SPATA3: variants seen among roughly 807,000 people sequenced by gnomAD.
SPATA3 encodes spermatogenesis associated 3, also known as spermatogenesis-associated protein 3.
Under a neutral mutation model 5.7 loss-of-function variants are expected in SPATA3, and 6 were observed. The observed-to-expected ratio is 1.06, with a 90% CI of 0.58 to 2.09. The LOEUF is 2.09. SPATA3 is among the 30% of genes most tolerant of loss of function. The pLI, the probability that SPATA3 is intolerant of heterozygous loss-of-function variation, is 0.00. For missense variants in SPATA3, 155 were observed against 130.4 expected, an observed-to-expected ratio of 1.19 and a Z score of -0.92; for synonymous variants, 44 against 48.4, an observed-to-expected ratio of 0.91 and a Z score of 0.37.
downstream of SPATA3, among the ~76,000 whole-genome samples, chr2:231,005,532 T>C (rs201538040): frequency 0.092 from 2,136 of 23,146 alleles, 231 homozygotes; most frequent in East Asian, 0.19. Flanking sequence ...ACCACCACCA[T>C]CATCACCACC....
At chr2:231,017,535 G>A (rs1692963580) in intron 6 of SPATA3, among the ~76,000 whole-genome samples, 2 of 152,248 alleles carry the variant, frequency 1.3e-5, no homozygotes, top group Admixed American at 1.3e-4. Context: ...TGTGTTGACT[G>A]GCTGAGGCCA....
At chr2:231,006,105 G>A (rs1692615254), downstream of SPATA3, among the ~76,000 whole-genome samples, 1 of 150,868 alleles carries the variant, frequency 6.6e-6, no homozygotes, top group African/African-American at 2.4e-5. Flanking sequence ...TGAGGTGGAA[G>A]GATTGCATGA....
downstream of SPATA3, among the ~76,000 whole-genome samples, chr2:231,005,446 C>A (rs1214964337): frequency 4.9e-4 from 54 of 109,788 alleles, 1 homozygote; most frequent in Non-Finnish European, 7.9e-5. Flanking sequence ...CAATCACCAC[C>A]ATCACCACCA....
At chr2:231,011,724 G>T (rs1692793419), downstream of SPATA3, among the ~76,000 whole-genome samples, 1 of 152,064 alleles carries the variant, frequency 6.6e-6, no homozygotes, top group Admixed American at 6.6e-5. Context: ...GAGACTCAGG[G>T]GACACCTGCC....
downstream of SPATA3, among the ~76,000 whole-genome samples, chr2:231,011,924 A>G (rs747222671): frequency 6.6e-5 from 10 of 152,230 alleles, no homozygotes; most frequent in African/African-American, 1.7e-4. Context: ...AGCACAGCAT[A>G]TACTTATTAC....
At chr2:231,015,255 G>T (rs1004198849) in intron 6 of SPATA3, among the ~76,000 whole-genome samples, 2 of 103,952 alleles carry the variant, frequency 1.9e-5, no homozygotes, top group Admixed American at 2.1e-4. Context: ...CTATCGTTTT[G>T]GCTTTTTTTT....
At chr2:231,013,407 A>G (rs1200335701) in intron 5 of SPATA3, among the ~76,000 whole-genome samples, 1 of 152,188 alleles carries the variant, frequency 6.6e-6, no homozygotes, top group Non-Finnish European at 1.5e-5. Flanking sequence ...TATTTCTGAG[A>G]AGTATTTCAT....
chr2:231,002,053 G>A (rs1041957955), intron 2 of SPATA3, among the ~76,000 whole-genome samples: 2 of 152,104 alleles, frequency 1.3e-5, no homozygotes, highest in African/African-American at 4.8e-5. Flanking sequence ...GGAGAGACAG[G>A]GTCCATATCT....
At chr2:231,001,772 A>G (rs1211096748) in intron 2 of SPATA3, among the ~76,000 whole-genome samples, 1 of 152,224 alleles carries the variant, frequency 6.6e-6, no homozygotes, top group Non-Finnish European at 1.5e-5. Context: ...AAATTGTTGC[A>G]GTCGACATGG....
downstream of SPATA3, among the ~76,000 whole-genome samples, chr2:231,011,908 T>A (rs1692798872): frequency 6.6e-6 from 1 of 152,226 alleles, no homozygotes; most frequent in Non-Finnish European, 1.5e-5. Context: ...CCCCTCTGTA[T>A]GTGCAAGCAC....
chr2:231,009,917 T>C (rs111606195), downstream of SPATA3, among the ~76,000 whole-genome samples: 1,201 of 152,352 alleles, frequency 7.9e-3, 13 homozygotes, highest in African/African-American at 0.027. Context: ...TCAGAGTGAG[T>C]ATAAATGTGA....
At chr2:231,018,131 G>C (rs1692978108) in intron 6 of SPATA3, among the ~76,000 whole-genome samples, 1 of 151,940 alleles carries the variant, frequency 6.6e-6, no homozygotes, top group African/African-American at 2.4e-5. Flanking sequence ...CAACATGTTG[G>C]TCAGGCTGGT....
chr2:231,014,987 T>C (rs1283171444), intron 6 of SPATA3, among the ~76,000 whole-genome samples: 2 of 150,396 alleles, frequency 1.3e-5, no homozygotes, highest in South Asian at 2.1e-4. Context: ...CTACAGGGAG[T>C]CCCAACTTGG....
chr2:231,001,553 C>T (rs1437419588), intron 2 of SPATA3, among the ~76,000 whole-genome samples: 2 of 152,168 alleles, frequency 1.3e-5, no homozygotes, highest in Admixed American at 1.3e-4. Context: ...CAAAAATACT[C>T]CACCACCCAG....
At chr2:231,005,217 C>A (rs1015483368), downstream of SPATA3, among the ~76,000 whole-genome samples, 1 of 117,870 alleles carries the variant, frequency 8.5e-6, no homozygotes, top group Non-Finnish European at 1.8e-5. Flanking sequence ...ATCATCACCA[C>A]CATCATCACC....
intron 1 of SPATA3, chr2:230,996,155 G>A: frequency 2.8e-6 from 4 of 1,446,710 alleles, no homozygotes; most frequent in East Asian, 5.0e-5. Flanking sequence ...TAGGGCAGAG[G>A]GCAAACGGCC....
downstream of SPATA3, among the ~76,000 whole-genome samples, chr2:231,011,085 A>AAAAAAAAAAAG (rs568384228): frequency 6.8e-5 from 10 of 146,182 alleles, no homozygotes; most frequent in African/African-American, 1.3e-4. Context: ...AAAAAAAAAA[A>AAAAAAAAAAAG]AAAAGAAAAG....
At position 230,996,203 on chromosome 2, in the gene SPATA3, T is replaced by A; in HGVS notation, c.791-4163T>A. ...AGCCGGGAGATTACGCAGCTCCATGTAGGTCCACGTTTAGGTTGGGAGGAT... is the reference window on the plus strand; with the variant it reads ...AGCCGGGAGATTACGCAGCTCCATGAAGGTCCACGTTTAGGTTGGGAGGAT... On this transcript the variant is annotated intron_variant, in intron 1 of 2. An upstream open reading frame in the 5' UTR loses its in-frame stop. Coordinates refer to ENST00000645363, the Ensembl canonical transcript of SPATA3. 6.5e-7 allele frequency: 1 copy of A among 1,536,134 alleles called. No individual in the cohort carries two copies.
chr2:231,002,694 A>C (rs1425941731), exon 3 of SPATA3: 1 of 1,513,660 alleles, frequency 6.6e-7, no homozygotes, highest in Admixed American at 2.2e-5. Flanking sequence ...AAAATCTTCA[A>C]GAAAACCCTC....
Sources: allele counts gnomAD v4.1 joint callset (sites outside exome capture counted in the v4.1 genomes callset), GRCh38; gene constraint gnomAD v4.1.1; transcripts MANE v1.5; gene names NCBI Gene and HGNC (gene_info 2026-07-23, HGNC 2026-07-21).